CYP20A1: variants seen among roughly 807,000 people sequenced by gnomAD.
CYP20A1 encodes cytochrome P450 family 20 subfamily A member 1, also known as cytochrome P450 20A1.
Under a neutral mutation model 61.4 loss-of-function variants are expected in CYP20A1, and 61 were observed. The observed-to-expected ratio is 0.99, with a 90% CI of 0.81 to 1.23. The LOEUF is 1.23. CYP20A1 is among the 50% of genes most tolerant of loss of function. The pLI is 0.00. For synonymous variants in CYP20A1, 193 were observed against 188.2 expected (o/e 1.03, Z -0.21); for missense variants, 530 against 542.4 (o/e 0.98, Z 0.23).
At chr2:203,289,231 G>T (rs1321441292) in intron 9 of CYP20A1, among the ~76,000 whole-genome samples, 1 of 152,054 alleles carries the variant, frequency 6.6e-6, no homozygotes, top group Non-Finnish European at 1.5e-5. Flanking sequence ...GTAAGTTTTT[G>T]TGAATTGCTT....
intron 9 of CYP20A1, among the ~76,000 whole-genome samples, chr2:203,288,464 T>C (rs2068393811): frequency 1.3e-5 from 2 of 152,148 alleles, no homozygotes; most frequent in South Asian, 4.1e-4. Flanking sequence ...ACATGTGCTA[T>C]ACTTAATTGT....
Position 203,280,193 on chromosome 2 carries a change from A to G in CYP20A1, c.850+80A>G, listed in dbSNP as rs138287945. Reference sequence around the variant, plus strand: ...ACAGTGGCTCACACCTGTAATCCCAACACTTGGGGAGGCTGAGGTGGGAGA... The same window carrying G: ...ACAGTGGCTCACACCTGTAATCCCAGCACTTGGGGAGGCTGAGGTGGGAGA... On this transcript the variant is annotated intron_variant, in intron 8 of 12. Coordinates refer to ENST00000356079, the MANE Select transcript of CYP20A1 (RefSeq NM_177538.3). 868 of 1,109,482 alleles carry G rather than the reference A, an allele frequency of 7.8e-4. 5 individuals are homozygous for G. The African/African-American group carries it at 0.012, about 16-fold the overall frequency. The allele number at this position is 1,109,482 out of a possible 1,614,324, so 68.7% of individuals were successfully genotyped here. A position where few individuals can be genotyped will look rare whatever the true frequency, so the allele number is the denominator to read the frequency against.
Position 203,296,939 on chromosome 2 carries a change from T to A in CYP20A1, c.*31T>A. ...TATACATTTAAAATCATTGTTAAAT[T>A]GATTGAGGAAAACAACCATTTAAAA... On this transcript the variant is annotated 3_prime_UTR_variant, in exon 13 of 13. Transcript: ENST00000356079. The A allele has an allele frequency of 7.7e-7, 1 of 1,297,518 alleles. No homozygotes were observed. The highest frequency in any genetic ancestry group is 1.1e-6 in the Non-Finnish European group (1 of 940,578). The allele number at this position is 1,297,518 out of a possible 1,614,324, so 80.4% of individuals were successfully genotyped here. A position where few individuals can be genotyped will look rare whatever the true frequency, so the allele number is the denominator to read the frequency against.
At chr2:203,260,205 A>T (rs1462550501) in intron 4 of CYP20A1, among the ~76,000 whole-genome samples, 1 of 141,878 alleles carries the variant, frequency 7.0e-6, no homozygotes, top group Non-Finnish European at 1.5e-5. Flanking sequence ...GGGATTGCAG[A>T]TGTGAGCCAC....
In CYP20A1 at chr2:203,285,668, T is replaced by C. The variant is rs140016439; in HGVS notation, c.907T>C (p.Tyr303His). ...TTSEEVQKKLYEEINQVFGNG... is the reference protein window; with the variant it reads ...TTSEEVQKKLHEEINQVFGNG... ...CTCTGAAGAAGTTCAAAAAAAATTA[T>C]ATGAAGAGATAAACCAAGTTTTTGG... Residue 303 changes from tyrosine to histidine, a missense_variant, in exon 9 of 13, where the codon TAT becomes CAT. Transcript: ENST00000356079. 15 of 1,607,448 alleles carry C rather than the reference T, an allele frequency of 9.3e-6. No homozygotes were observed. Among genetic ancestry groups the C allele is most frequent in the Non-Finnish European group, 1.1e-5 (13 of 1,178,612 alleles).
chr2:203,277,619 G>T (rs912381352), intron 6 of CYP20A1, among the ~76,000 whole-genome samples: 15 of 151,772 alleles, frequency 9.9e-5, no homozygotes, highest in Admixed American at 7.9e-4. Flanking sequence ...AGGTTCAAGC[G>T]ATTCTCCTGC....
At position 203,266,575 on chromosome 2, in the gene CYP20A1, G is replaced by T; in HGVS notation, c.494G>T (p.Ser165Ile). The T allele has an allele frequency of 6.2e-7, 1 of 1,613,994 alleles. No individual in the cohort carries two copies. Among genetic ancestry groups the T allele is most frequent in the East Asian group, 2.2e-5 (1 of 44,878 alleles). ...SYPETQHVPL[S>I]QHMLGFAMKS... Reference sequence around the variant, plus strand: ...CCAGAGACCCAGCACGTGCCCCTCAGCCAGCATATGCTTGGTTTTGCTATG... The same window carrying T: ...CCAGAGACCCAGCACGTGCCCCTCATCCAGCATATGCTTGGTTTTGCTATG... Residue 165 changes from serine to isoleucine, a missense_variant, in exon 5 of 13, where the codon AGC (serine) becomes ATC (isoleucine). Transcript: ENST00000356079.
intron 4 of CYP20A1, among the ~76,000 whole-genome samples, chr2:203,261,693 C>G (rs1056234455): frequency 1.3e-5 from 2 of 149,558 alleles, no homozygotes; most frequent in African/African-American, 4.9e-5. Context: ...AAAGACTCCT[C>G]TTCCTCAGGA....
Position 203,303,892 on chromosome 2 carries a change from A to C in CYP20A1, c.*6984A>C, listed in dbSNP as rs557273124. On this transcript the variant is annotated 3_prime_UTR_variant, in exon 13 of 13. Coordinates refer to ENST00000356079, the MANE Select transcript of CYP20A1 (RefSeq NM_177538.3). Reference sequence around the variant, plus strand: ...ACTGTCTCAAAAAAAAAAAAAAAAAAAACTTATTGAGAGAATAATATACCA... The same window carrying C: ...ACTGTCTCAAAAAAAAAAAAAAAAACAACTTATTGAGAGAATAATATACCA... 1.6e-3 allele frequency among the ~76,000 whole-genome samples: 239 copies of C among 150,998 alleles called. 1 individual carries two copies. Among genetic ancestry groups the C allele is most frequent in the African/African-American group, 5.5e-3 (226 of 41,224 alleles).
intron 1 of CYP20A1, among the ~76,000 whole-genome samples, chr2:203,239,941 C>T (rs2066191486): frequency 6.6e-6 from 1 of 152,100 alleles, no homozygotes; most frequent in Admixed American, 6.6e-5. Flanking sequence ...ACTAAAAATA[C>T]AAACATTAGC....
At chr2:203,273,305 A>G (rs2067682541) in intron 6 of CYP20A1, among the ~76,000 whole-genome samples, 2 of 152,222 alleles carry the variant, frequency 1.3e-5, no homozygotes, top group South Asian at 4.1e-4. Flanking sequence ...AATGGAAAGT[A>G]TAAGTGTACA....
intron 6 of CYP20A1, among the ~76,000 whole-genome samples, chr2:203,275,058 C>T (rs1443727784): frequency 6.6e-6 from 1 of 152,138 alleles, no homozygotes; most frequent in Non-Finnish European, 1.5e-5. Flanking sequence ...AATTCCCAAC[C>T]TGCTTTGCAC....
intron 4 of CYP20A1, among the ~76,000 whole-genome samples, chr2:203,264,026 CAT>C (rs2067238180): frequency 6.6e-6 from 1 of 151,950 alleles, no homozygotes; most frequent in East Asian, 1.9e-4. Flanking sequence ...GTTTTAGAGA[CAT>C]TTCTTGCTCT....
intron 9 of CYP20A1, among the ~76,000 whole-genome samples, chr2:203,287,215 C>CAA (rs1168549640): frequency 0.02 from 915 of 46,696 alleles, 78 homozygotes; most frequent in Admixed American, 0.032. Context: ...GACCCTATCT[C>CAA]AAAAAAAAAA....
rs780141331 is a variant in CYP20A1, at chr2:203,274,188, A to AT, written c.679+1455dup. Among the ~76,000 whole-genome samples, 975 of 142,410 alleles carry AT rather than the reference A, an allele frequency of 6.8e-3. 3 individuals are homozygous for AT. Among genetic ancestry groups the AT allele is most frequent in the African/African-American group, 0.013 (506 of 38,898 alleles). The allele number at this position is 142,410 out of a possible 152,430, so 93.4% of individuals were successfully genotyped here. ...AGCTTTAATACTTTTTTTTAAAATAATTTTTTTTTTTTTTTGAGACAGAGT... is the reference window on the plus strand; with the variant it reads ...AGCTTTAATACTTTTTTTTAAAATAATTTTTTTTTTTTTTTTGAGACAGAGT... On this transcript the variant is annotated intron_variant, in intron 6 of 12. Coordinates refer to ENST00000356079, the MANE Select transcript of CYP20A1 (RefSeq NM_177538.3).
intron 6 of CYP20A1, among the ~76,000 whole-genome samples, chr2:203,277,483 T>C (rs2067871810): frequency 6.6e-6 from 1 of 152,012 alleles, no homozygotes; most frequent in Non-Finnish European, 1.5e-5. Flanking sequence ...CAGTTATTGA[T>C]ATCTTTTAGG....
chr2:203,239,401 C>T (rs984855579), intron 1 of CYP20A1, among the ~76,000 whole-genome samples: 1 of 152,182 alleles, frequency 6.6e-6, no homozygotes, highest in Non-Finnish European at 1.5e-5. Context: ...CCCGCGCCCC[C>T]GCAGGCCGGT....
intron 4 of CYP20A1, among the ~76,000 whole-genome samples, chr2:203,264,779 G>C (rs1336288725): frequency 6.6e-6 from 1 of 151,988 alleles, no homozygotes. Flanking sequence ...GCCCAGGCTG[G>C]AGTGCAGTGG....
In CYP20A1 at chr2:203,299,107, T is replaced by C. The variant is rs2068925411; in HGVS notation, c.*2199T>C. Among the ~76,000 whole-genome samples, 1 of 152,192 alleles carries C rather than the reference T, an allele frequency of 6.6e-6. No homozygotes were observed. The highest frequency in any genetic ancestry group is 1.5e-5 in the Non-Finnish European group (1 of 68,028). On this transcript the variant is annotated 3_prime_UTR_variant, in exon 13 of 13. Transcript: ENST00000356079. The stretch of plus-strand genomic sequence containing the variant: ...CACTTATAAATTTTATATATAATAC[T>C]TTACTGATAGCATTGTATATTAGTC...
Sources: allele counts gnomAD v4.1 joint callset (sites outside exome capture counted in the v4.1 genomes callset), GRCh38; gene constraint gnomAD v4.1.1; transcripts MANE v1.5; gene names NCBI Gene and HGNC (gene_info 2026-07-23, HGNC 2026-07-21).